TRAM2: variants seen among roughly 807,000 people sequenced by gnomAD.
The protein encoded by TRAM2 is translocation associated membrane protein 2.
In TRAM2, 12 loss-of-function variants were observed where a neutral mutation model predicts 51.0. The ratio of observed to expected loss-of-function variants is 0.24; its 90% CI spans 0.15 to 0.38. The LOEUF is 0.38. TRAM2 is among the 10% of genes least tolerant of loss of function. The pLI is 1.00. For synonymous variants in TRAM2, 175 were observed against 179.4 expected (o/e 0.98, Z 0.20); for missense variants, 361 against 462.0 (o/e 0.78, Z 2.00).
chr6:52,560,577 T>C lies in TRAM2; in HGVS notation c.120+16219A>G, dbSNP rs145711650. ...TCATTGTAGGTGGATATTTGGGTTA[T>C]TTCAAACGAAGTCTGCCGTTAGAGC... On this transcript the variant is annotated intron_variant, in intron 1 of 10. Transcript: ENST00000182527. Among the ~76,000 whole-genome samples the C allele has an allele frequency of 3.8e-3, 584 of 152,356 alleles. 5 individuals carry two copies. The highest frequency in any genetic ancestry group is 0.013 in the African/African-American group (558 of 41,572).
chr6:52,505,405 C>T (rs2114059884), intron 9 of TRAM2, among the ~76,000 whole-genome samples, 194 bp downstream of exon 9: 1 of 152,338 alleles, frequency 6.6e-6, no homozygotes, highest in East Asian at 1.9e-4. Context: ...CAAACCAGGA[C>T]TAGGGGATGA....
chr6:52,547,052 G>A (rs1363575609), intron 1 of TRAM2, among the ~76,000 whole-genome samples: 1 of 152,150 alleles, frequency 6.6e-6, no homozygotes, highest in Non-Finnish European at 1.5e-5. Context: ...GGTGTGTATG[G>A]GTGAGCATGG....
chr6:52,534,902 T>C (rs528099068), intron 2 of TRAM2, among the ~76,000 whole-genome samples: 2 of 152,208 alleles, frequency 1.3e-5, no homozygotes, highest in Non-Finnish European at 2.9e-5. Flanking sequence ...CTCTGGTACC[T>C]GGCATGATGC....
At chr6:52,559,351 T>C (rs1406010937) in intron 1 of TRAM2, among the ~76,000 whole-genome samples, 3 of 152,172 alleles carry the variant, frequency 2.0e-5, no homozygotes, top group Non-Finnish European at 4.4e-5. Context: ...TGACTTGAAT[T>C]ATCTTGGCCT....
chr6:52,542,556 G>A (rs1048513210), intron 1 of TRAM2, among the ~76,000 whole-genome samples: 14 of 152,108 alleles, frequency 9.2e-5, no homozygotes, highest in African/African-American at 3.1e-4. Context: ...TTTTAGCAAC[G>A]CCTAGAGATT....
At chr6:52,515,252 A>G (rs2114069195) in intron 4 of TRAM2, among the ~76,000 whole-genome samples, 1 of 152,342 alleles carries the variant, frequency 6.6e-6, no homozygotes, top group South Asian at 2.1e-4. Flanking sequence ...GTAGAGCTCC[A>G]GGTGGTGGTG....
intron 1 of TRAM2, among the ~76,000 whole-genome samples, chr6:52,550,428 C>T (rs1767286990): frequency 6.6e-6 from 1 of 152,224 alleles, no homozygotes; most frequent in Admixed American, 6.5e-5. Flanking sequence ...AATTACCCCA[C>T]CTGTTTCCTG....
At chr6:52,512,647 G>T (rs896107917) in intron 4 of TRAM2, among the ~76,000 whole-genome samples, 3 of 152,164 alleles carry the variant, frequency 2.0e-5, no homozygotes, top group African/African-American at 7.2e-5. Context: ...TTGTTCTCTC[G>T]ATTCTACAAA....
intron 4 of TRAM2, among the ~76,000 whole-genome samples, chr6:52,510,922 G>A (rs1766440519): frequency 6.6e-6 from 1 of 152,210 alleles, no homozygotes; most frequent in South Asian, 2.1e-4. Context: ...AACTACAGGA[G>A]TGCAATACAC....
chr6:52,505,991 C>A (rs1266208349), intron 8 of TRAM2, 41 bp downstream of exon 8: 4 of 1,604,930 alleles, frequency 2.5e-6, no homozygotes, highest in Non-Finnish European at 3.4e-6. Context: ...GAACCCCTGC[C>A]CAGGCCTCTA....
chr6:52,522,940 C>G (rs1216144103), intron 2 of TRAM2: 2 of 702,446 alleles, frequency 2.8e-6, no homozygotes, highest in Non-Finnish European at 5.2e-6. Flanking sequence ...CTGTCTGGAT[C>G]CCACTGTGCG....
chr6:52,566,415 T>C (rs2114107777), intron 1 of TRAM2, among the ~76,000 whole-genome samples: 1 of 152,160 alleles, frequency 6.6e-6, no homozygotes, highest in Non-Finnish European at 1.5e-5. Flanking sequence ...AGACTGAAAT[T>C]TCCCCAGGTG....
chr6:52,555,096 T>C (rs1767380825), intron 1 of TRAM2, among the ~76,000 whole-genome samples: 1 of 152,244 alleles, frequency 6.6e-6, no homozygotes, highest in Admixed American at 6.5e-5. Context: ...ACTTTCACCT[T>C]CTGAGTCACT....
chr6:52,576,967 G>T lies in TRAM2; in HGVS notation c.-52C>A. The T allele has an allele frequency of 6.5e-7, 1 of 1,540,604 alleles. No homozygotes were observed. Among genetic ancestry groups the T allele is most frequent in the Non-Finnish European group, 8.7e-7 (1 of 1,146,284 alleles). On this transcript the variant is annotated 5_prime_UTR_variant, in exon 1 of 11. Transcript: ENST00000182527. Reference sequence around the variant, plus strand: ...GGCCCGCACCCTGCGCTCACGAACCGCAGCGCAAACTTCTCCAGCACCGGC... The same window carrying T: ...GGCCCGCACCCTGCGCTCACGAACCTCAGCGCAAACTTCTCCAGCACCGGC...
chr6:52,506,555 G>A (rs1397912644), intron 7 of TRAM2, among the ~76,000 whole-genome samples: 1 of 152,212 alleles, frequency 6.6e-6, no homozygotes, highest in Non-Finnish European at 1.5e-5. Context: ...ACAGCTCCGA[G>A]GTACATGCAG....
At chr6:52,550,693 A>C (rs1169705547) in intron 1 of TRAM2, among the ~76,000 whole-genome samples, 1 of 152,106 alleles carries the variant, frequency 6.6e-6, no homozygotes, top group East Asian at 1.9e-4. Context: ...CTAGGATTAC[A>C]GGAATGCACC....
intron 1 of TRAM2, among the ~76,000 whole-genome samples, chr6:52,547,546 A>G (rs988417358): frequency 6.6e-6 from 1 of 152,174 alleles, no homozygotes; most frequent in Non-Finnish European, 1.5e-5. Flanking sequence ...TCCTTCCTCC[A>G]CTATATTCGC....
chr6:52,544,669 T>C (rs189695898), intron 1 of TRAM2, among the ~76,000 whole-genome samples: 118 of 152,378 alleles, frequency 7.7e-4, no homozygotes, highest in African/African-American at 2.8e-3. Context: ...GATGATTTGA[T>C]TCCAGCGTCT....
intron 2 of TRAM2, among the ~76,000 whole-genome samples, chr6:52,535,164 G>A (rs553526155): frequency 1.3e-5 from 2 of 152,314 alleles, no homozygotes; most frequent in East Asian, 3.9e-4. Context: ...ATGCTCTGGA[G>A]AACAGATCAA....
Sources: allele counts gnomAD v4.1 joint callset (sites outside exome capture counted in the v4.1 genomes callset), GRCh38; gene constraint gnomAD v4.1.1; transcripts MANE v1.5; gene names NCBI Gene and HGNC (gene_info 2026-07-23, HGNC 2026-07-21).